The following WDFY3 variants were observed in gnomAD, a reference collection of about 807,000 sequenced individuals.
WDFY3 encodes the protein WD repeat and FYVE domain containing 3.
WDFY3 carries 66 observed loss-of-function variants against 409.6 expected under a neutral mutation model. The ratio of observed to expected loss-of-function variants is 0.16; its 90% CI spans 0.13 to 0.20. WDFY3 has a LOEUF of 0.20. Among genes scored for constraint, WDFY3 ranks in the 10% least tolerant of loss-of-function variants. The pLI, the probability that WDFY3 is intolerant of heterozygous loss-of-function variation, is 1.00. For synonymous variants in WDFY3, 1,521 were observed against 1,537.1 expected (o/e 0.99, Z 0.25); for missense variants, 3,031 against 4,298.1 (o/e 0.71, Z 8.24).
chr4:84,948,854 C>A (rs1323062834), intron 1 of WDFY3, among the ~76,000 whole-genome samples: 1 of 152,166 alleles, frequency 6.6e-6, no homozygotes, highest in Non-Finnish European at 1.5e-5. Flanking sequence ...CCAGTACCCA[C>A]AGACAGAATT....
chr4:84,782,732 G>T (rs907025337), intron 25 of WDFY3, among the ~76,000 whole-genome samples: 2 of 152,144 alleles, frequency 1.3e-5, no homozygotes, highest in African/African-American at 4.8e-5. Context: ...TTTTATGGCT[G>T]TATAGTATTC....
At chr4:84,846,800 C>T (rs1389530263) in intron 5 of WDFY3, among the ~76,000 whole-genome samples, 4 of 151,678 alleles carry the variant, frequency 2.6e-5, no homozygotes, top group Non-Finnish European at 5.9e-5. Flanking sequence ...GAGAGATTCA[C>T]GGTTACTGAT....
chr4:84,830,072 A>C (rs1258074173), intron 8 of WDFY3, among the ~76,000 whole-genome samples: 1 of 152,144 alleles, frequency 6.6e-6, no homozygotes, highest in African/African-American at 2.4e-5. Context: ...GATTTAACAG[A>C]GGAATGGGAG....
chr4:84,828,072 C>T (rs550298770), intron 9 of WDFY3, among the ~76,000 whole-genome samples: 1 of 148,824 alleles, frequency 6.7e-6, no homozygotes, highest in African/African-American at 2.5e-5. Flanking sequence ...TAATGAGACC[C>T]CAGAGGGAGG....
In WDFY3 at chr4:84,726,919, C is replaced by A. The variant is rs751401481; in HGVS notation, c.7222-8G>T. Reference sequence around the variant, plus strand: ...TTTACTTGGGATCTCAGACTGAAAACAGGGTATTAAGTATAGACATATCAG... The same window carrying A: ...TTTACTTGGGATCTCAGACTGAAAAAAGGGTATTAAGTATAGACATATCAG... On this transcript the variant is annotated splice_polypyrimidine_tract_variant and splice_region_variant and intron_variant, in intron 44 of 67. Transcript: ENST00000295888. 6.2e-7 allele frequency: 1 copy of A among 1,601,302 alleles called. No homozygotes were observed. Among genetic ancestry groups the A allele is most frequent in the Non-Finnish European group, 8.5e-7 (1 of 1,175,796 alleles).
intron 30 of WDFY3, among the ~76,000 whole-genome samples, chr4:84,768,770 T>C (rs1203129467): frequency 6.6e-6 from 1 of 152,220 alleles, no homozygotes; most frequent in Non-Finnish European, 1.5e-5. Context: ...AATCTTGACT[T>C]TGAATTAACT....
chr4:84,780,192 T>G lies in WDFY3; in HGVS notation c.4281A>C (p.Leu1427Phe). 2 of 1,613,926 alleles carry G rather than the reference T, an allele frequency of 1.2e-6. No homozygotes were observed. The highest frequency in any genetic ancestry group is 4.5e-5 in the East Asian group (2 of 44,864). Residue 1427 changes from leucine (L) to phenylalanine (F), a missense_variant, in exon 26 of 68, where the codon TTA (leucine) becomes TTC (phenylalanine). Transcript: ENST00000295888. ...LVAMASDVEGLYAAVKALVCV... is the reference protein window; with the variant it reads ...LVAMASDVEGFYAAVKALVCV... ...AAACCAGGGCCTTGACTGCTGCATA[T>G]AACCCTTCCACATCAGAGGCCATGG...
intron 58 of WDFY3, among the ~76,000 whole-genome samples, chr4:84,693,995 TGAG>T (rs1729695693): frequency 6.6e-6 from 1 of 152,142 alleles, no homozygotes; most frequent in African/African-American, 2.4e-5. Flanking sequence ...AACTAGTATT[TGAG>T]GAGGAGATCT....
chr4:84,867,205 T>C (rs1284713061), intron 3 of WDFY3, among the ~76,000 whole-genome samples: 1 of 152,204 alleles, frequency 6.6e-6, no homozygotes, highest in Non-Finnish European at 1.5e-5. Flanking sequence ...TTAATTTTTA[T>C]ATGCATTTTT....
At chr4:84,910,622 T>C (rs972968039) in intron 2 of WDFY3, among the ~76,000 whole-genome samples, 1 of 152,006 alleles carries the variant, frequency 6.6e-6, no homozygotes, top group Admixed American at 6.6e-5. Flanking sequence ...CCTTAAAAAT[T>C]AACATAAAAT....
At chr4:84,817,300 T>A (rs886973500) in intron 13 of WDFY3, 92 bp downstream of exon 13, 15 of 1,503,150 alleles carry the variant, frequency 1.0e-5, no homozygotes, top group African/African-American at 2.8e-5. Context: ...GGATTTTTTT[T>A]AATTTCCCTG....
intron 56 of WDFY3, among the ~76,000 whole-genome samples, chr4:84,702,071 G>A (rs1477398038): frequency 2.0e-5 from 3 of 152,204 alleles, no homozygotes; most frequent in African/African-American, 4.8e-5. Context: ...TGCAGTTCAC[G>A]ATCTCAGCTC....
chr4:84,700,973 G>C (rs1730986027), intron 56 of WDFY3, among the ~76,000 whole-genome samples: 1 of 152,198 alleles, frequency 6.6e-6, no homozygotes, highest in Non-Finnish European at 1.5e-5. Context: ...AATTAGCCAG[G>C]TGTGGTGGCG....
intron 4 of WDFY3, among the ~76,000 whole-genome samples, chr4:84,854,137 G>T (rs954515051): frequency 4.6e-5 from 7 of 152,150 alleles, no homozygotes; most frequent in African/African-American, 1.7e-4. Context: ...AGCGACACTG[G>T]TGCCAAAGGA....
intron 48 of WDFY3, among the ~76,000 whole-genome samples, chr4:84,718,186 A>G (rs1274308989): frequency 2.0e-5 from 3 of 152,008 alleles, no homozygotes; most frequent in Non-Finnish European, 4.4e-5. Flanking sequence ...TAAATAACTC[A>G]GAATGCACAG....
intron 56 of WDFY3, among the ~76,000 whole-genome samples, chr4:84,700,215 T>C (rs1325409071): frequency 1.3e-5 from 2 of 152,178 alleles, no homozygotes; most frequent in East Asian, 3.8e-4. Flanking sequence ...TTGTCTTGTT[T>C]TGTTTTGGAG....
chr4:84,904,971 GTCTTT>G (rs1458515854), intron 2 of WDFY3, among the ~76,000 whole-genome samples: 5 of 150,542 alleles, frequency 3.3e-5, no homozygotes, highest in African/African-American at 9.8e-5. Flanking sequence ...GGGCCCAGCT[GTCTTT>G]TCTTTTATCT....
intron 3 of WDFY3, among the ~76,000 whole-genome samples, chr4:84,892,782 G>A (rs1473952521): frequency 1.3e-5 from 2 of 152,184 alleles, no homozygotes; most frequent in African/African-American, 2.4e-5. Flanking sequence ...ATGAGACAGA[G>A]AATAAAATAA....
chr4:84,881,715 C>T (rs1312807440), intron 3 of WDFY3, among the ~76,000 whole-genome samples: 4 of 151,772 alleles, frequency 2.6e-5, no homozygotes, highest in Non-Finnish European at 5.9e-5. Context: ...AACAAGACCC[C>T]GCCTCTACTC....
Sources: allele counts gnomAD v4.1 joint callset (sites outside exome capture counted in the v4.1 genomes callset), GRCh38; gene constraint gnomAD v4.1.1; transcripts MANE v1.5; gene names NCBI Gene and HGNC (gene_info 2026-07-23, HGNC 2026-07-21).